The following PCDH15 variants were observed in gnomAD, a reference collection of about 807,000 sequenced individuals.
PCDH15 encodes the protein protocadherin related 15.
In PCDH15, 129 loss-of-function variants were observed where a neutral mutation model predicts 178.5. The ratio of observed to expected loss-of-function variants is 0.72; its 90% CI spans 0.63 to 0.84. PCDH15 has a LOEUF of 0.84. PCDH15 is among the 40% of genes least tolerant of loss of function. The probability of loss-of-function intolerance (pLI) is 0.00; values close to 1 mark genes in which losing one functional copy is unlikely to be tolerated. For synonymous variants in PCDH15, 800 were observed against 732.0 expected (o/e 1.09, Z -1.50); for missense variants, 2,230 against 2,099.9 (o/e 1.06, Z -1.21).
At chr10:54,199,520 T>C (rs767801665) in intron 10 of PCDH15, among the ~76,000 whole-genome samples, 67 of 150,738 alleles carry the variant, frequency 4.4e-4, no homozygotes, top group African/African-American at 6.6e-4. Context: ...TTGAGATAAA[T>C]ACTTCTGTTA....
At chr10:55,084,647 A>G (rs1842121039) in intron 2 of PCDH15, among the ~76,000 whole-genome samples, 1 of 152,010 alleles carries the variant, frequency 6.6e-6, no homozygotes, top group African/African-American at 2.4e-5. Flanking sequence ...AACCCACAAA[A>G]TGGGAGAAAA....
chr10:54,250,077 C>CTATTTTTTTTT (rs1412806029), intron 8 of PCDH15, among the ~76,000 whole-genome samples: 1,917 of 137,758 alleles, frequency 0.014, 30 homozygotes, highest in African/African-American at 0.032. Flanking sequence ...CCACATCCGG[C>CTATTTTTTTTT]TTTTTTTTTT....
At chr10:53,848,842 AAT>A (rs1225802142) in intron 28 of PCDH15, among the ~76,000 whole-genome samples, 17 of 152,072 alleles carry the variant, frequency 1.1e-4, no homozygotes, top group Non-Finnish European at 1.9e-4. Flanking sequence ...TCTTAAACAA[AAT>A]AGTTTCCCCA....
intron 2 of PCDH15, among the ~76,000 whole-genome samples, chr10:54,911,024 T>C (rs893427295): frequency 1.3e-5 from 2 of 152,168 alleles, no homozygotes; most frequent in African/African-American, 4.8e-5. Flanking sequence ...CAGGGAAAGA[T>C]GGTTGACAAG....
At chr10:53,905,105 G>A (rs189137458) in intron 25 of PCDH15, 1 of 505,034 alleles carries the variant, frequency 2.0e-6, no homozygotes, top group African/African-American at 1.9e-5. Flanking sequence ...CTCATAAGCA[G>A]GTAAATCATC....
At position 53,804,144 on chromosome 10, in the gene PCDH15, G is replaced by C. The variant is rs995293873; in HGVS notation, c.*2435C>G. ...ATATACTGACCAAATATTTGGTTTG[G>C]TTGCTCTGTGTAAATTCTGCTTCTC... On this transcript the variant is annotated 3_prime_UTR_variant, in exon 38 of 38. Coordinates refer to ENST00000644397, the MANE Select transcript of PCDH15 (RefSeq NM_001384140.1). 1 of 151,802 alleles carries C rather than the reference G, an allele frequency of 6.6e-6. No homozygotes were observed. The allele number at this position is 151,802 out of a possible 1,614,324, so 9.4% of individuals were successfully genotyped here.
intron 3 of PCDH15, among the ~76,000 whole-genome samples, chr10:54,436,051 A>AGAGAAAAG (rs1428860580): frequency 1.4e-5 from 2 of 138,462 alleles, no homozygotes; most frequent in East Asian, 2.0e-4. Context: ...AGAGAGAGAG[A>AGAGAAAAG]AAAGAAAGAA....
At chr10:54,245,099 A>G (rs971625345) in intron 8 of PCDH15, among the ~76,000 whole-genome samples, 4 of 152,064 alleles carry the variant, frequency 2.6e-5, no homozygotes, top group African/African-American at 9.7e-5. Context: ...TTCACCCTCA[A>G]TCTCTCCATA....
At chr10:55,125,924 G>C (rs59645298) in intron 2 of PCDH15, among the ~76,000 whole-genome samples, 37 of 152,168 alleles carry the variant, frequency 2.4e-4, no homozygotes, top group African/African-American at 8.4e-4. Flanking sequence ...TGGCTAAACG[G>C]TGTTCTTTAC....
chr10:53,811,334 G>C (rs890523557), intron 36 of PCDH15, among the ~76,000 whole-genome samples: 1 of 151,866 alleles, frequency 6.6e-6, no homozygotes, highest in African/African-American at 2.4e-5. Flanking sequence ...AATTGCAATC[G>C]ATATCAATGT....
chr10:53,931,902 T>G (rs1482187669), intron 25 of PCDH15, among the ~76,000 whole-genome samples: 1 of 152,196 alleles, frequency 6.6e-6, no homozygotes, highest in Non-Finnish European at 1.5e-5. Flanking sequence ...TTTTTACTTT[T>G]TTCTTTATTA....
intron 26 of PCDH15, among the ~76,000 whole-genome samples, chr10:53,888,300 A>ATATACG (rs2081257422): frequency 2.4e-5 from 2 of 82,018 alleles, no homozygotes; most frequent in African/African-American, 5.0e-5. Context: ...ACATATATAT[A>ATATACG]TATATATATG....
At chr10:54,805,598 T>C (rs927532665), upstream of PCDH15, among the ~76,000 whole-genome samples, 1 of 152,190 alleles carries the variant, frequency 6.6e-6, no homozygotes, top group African/African-American at 2.4e-5. Flanking sequence ...TTGCCAGCAA[T>C]ATCTACTTTC....
At chr10:54,904,891 AC>A (rs1386663308) in intron 2 of PCDH15, among the ~76,000 whole-genome samples, 6 of 151,278 alleles carry the variant, frequency 4.0e-5, no homozygotes, top group African/African-American at 1.4e-4. Context: ...ATTAAAAAAA[AC>A]AAAAAGGACA....
chr10:53,810,501 T>C (rs1217378999), intron 37 of PCDH15, 55 bp downstream of exon 37: 42 of 1,511,134 alleles, frequency 2.8e-5, no homozygotes, highest in Non-Finnish European at 3.4e-5. Flanking sequence ...TCACGTAGGG[T>C]TAAACAATAT....
intron 2 of PCDH15, among the ~76,000 whole-genome samples, chr10:54,592,289 G>T (rs866799746): frequency 2.0e-5 from 3 of 151,606 alleles, no homozygotes; most frequent in South Asian, 4.2e-4. Context: ...CCTCCTCTCT[G>T]CTCCTGTCCC....
intron 3 of PCDH15, among the ~76,000 whole-genome samples, chr10:54,440,633 TA>T (rs2075739593): frequency 6.6e-6 from 1 of 151,950 alleles, no homozygotes; most frequent in South Asian, 2.1e-4. Context: ...ATTAGAAAAT[TA>T]TTTTATATAG....
At chr10:55,518,500 G>A (rs577639320) in intron 2 of PCDH15, among the ~76,000 whole-genome samples, 18 of 152,048 alleles carry the variant, frequency 1.2e-4, no homozygotes, top group African/African-American at 3.9e-4. Flanking sequence ...AGAGCAGAGA[G>A]TAAAACACAG....
At chr10:55,366,580 A>G (rs1397175566) in intron 2 of PCDH15, among the ~76,000 whole-genome samples, 1 of 152,186 alleles carries the variant, frequency 6.6e-6, no homozygotes, top group Non-Finnish European at 1.5e-5. Flanking sequence ...TAACACTCTT[A>G]TAAGCTAACT....
Sources: allele counts gnomAD v4.1 joint callset (sites outside exome capture counted in the v4.1 genomes callset), GRCh38; gene constraint gnomAD v4.1.1; transcripts MANE v1.5; gene names NCBI Gene and HGNC (gene_info 2026-07-23, HGNC 2026-07-21).